Variants in SORL1 observed in about 807,000 individuals in gnomAD.
SORL1 encodes sortilin-related receptor.
SORL1 carries 127 observed loss-of-function variants against 273.7 expected under a neutral mutation model. The ratio of observed to expected loss-of-function variants is 0.46; its 90% confidence interval spans 0.40 to 0.54. SORL1 has a LOEUF of 0.54. SORL1 is among the 20% of genes least tolerant of loss of function. The pLI is 0.00. For synonymous variants in SORL1, 1,031 were observed against 1,067.4 expected (o/e 0.97, Z 0.66); for missense variants, 2,494 against 2,846.1 (o/e 0.88, Z 2.81).
At chr11:121,461,036 G>C (rs1860991746) in intron 1 of SORL1, among the ~76,000 whole-genome samples, 1 of 152,150 alleles carries the variant, frequency 6.6e-6, no homozygotes, top group African/African-American at 2.4e-5. Flanking sequence ...AGAGTGGGGT[G>C]AGTGTCCTGT....
chr11:121,586,703 GGC>G (rs202131558), intron 27 of SORL1, among the ~76,000 whole-genome samples: 3 of 11,292 alleles, frequency 2.7e-4, no homozygotes, highest in East Asian at 3.2e-3. Context: ...TGGGGGGGGG[GGC>G]GGGGGGGGGG....
chr11:121,611,886 A>T (rs1031414931), intron 39 of SORL1: 1 of 152,408 alleles, frequency 6.6e-6, no homozygotes, highest in East Asian at 1.9e-4. Flanking sequence ...CACGCCTGTA[A>T]TCCCAGCACT....
Position 121,618,888 on chromosome 11 carries a change from T to C in SORL1, c.5719T>C (p.Phe1907Leu). Residue 1907 changes from phenylalanine to leucine, a missense_variant, in exon 42 of 48, where the codon TTT becomes CTT. Phe to Leu is a conservative substitution (Grantham distance 22). Around this residue, in one of 3 missense-constraint regions of SORL1, gnomAD observed 1,609 missense variants for 1,816.4 expected, o/e 0.89. Coordinates refer to ENST00000260197, the MANE Select transcript of SORL1 (RefSeq NM_003105.6). ...TGTCAGTAAGGATGAGCAGTATTTG[T>C]TTCTGGTAAGTTTCCCATACCGTTT... The part of the protein sequence containing the change: ...VIVSKDEQYL[F>L]LVRVVVPYQG... 6.2e-7 allele frequency: 1 copy of C among 1,614,150 alleles called. No homozygotes were observed. Among genetic ancestry groups the C allele is most frequent in the Non-Finnish European group, 8.5e-7 (1 of 1,179,988 alleles).
rs150958718 is a variant in SORL1, at chr11:121,587,412, C to G, written c.3815-608C>G. Among the ~76,000 whole-genome samples the G allele has an allele frequency of 1.2e-3, 181 of 152,336 alleles. 1 individual carries two copies. The highest frequency in any genetic ancestry group is 2.3e-3 in the Admixed American group (35 of 15,310). ...TCAAGTACGAAGGTCTTGCTGTGTC[C>G]TCACATGGCCCTTTCTCTGTGTGGG... On this transcript the variant is annotated intron_variant, in intron 27 of 47. Coordinates refer to ENST00000260197, the MANE Select transcript of SORL1 (RefSeq NM_003105.6).
intron 22 of SORL1, among the ~76,000 whole-genome samples, chr11:121,569,282 TGAACAA>T (rs1300024019): frequency 1.3e-5 from 2 of 152,184 alleles, no homozygotes; most frequent in Non-Finnish European, 2.9e-5. Context: ...CATGTGTGTT[TGAACAA>T]TATGAAATCT....
chr11:121,514,502 G>T (rs1861923315), intron 8 of SORL1, among the ~76,000 whole-genome samples, 181 bp downstream of exon 8: 1 of 152,210 alleles, frequency 6.6e-6, no homozygotes, highest in Admixed American at 6.5e-5. Flanking sequence ...GTGTGGCCAG[G>T]TTATGAGGAT....
At position 121,513,004 on chromosome 11, in the gene SORL1, A is replaced by T. The variant is rs780440355; in HGVS notation, c.941A>T (p.His314Leu). 3.1e-6 allele frequency: 5 copies of T among 1,612,602 alleles called. No individual in the cohort carries two copies. The highest frequency in any genetic ancestry group is 4.2e-6 in the Non-Finnish European group (5 of 1,178,770). Residue 314 changes from histidine to leucine, a missense_variant and splice_region_variant, in exon 7 of 48, where the codon CAT becomes CTT. Coordinates refer to ENST00000260197, the MANE Select transcript of SORL1 (RefSeq NM_003105.6). ...DKYMFATKVVHLLGSEQQSSV... is the reference protein window; with the variant it reads ...DKYMFATKVVLLLGSEQQSSV... Reference sequence around the variant, plus strand: ...TTTTTTTCTCCTCTTCCTTGGCAGCATCTCTTGGGCAGTGAACAGCAGTCT... The same window carrying T: ...TTTTTTTCTCCTCTTCCTTGGCAGCTTCTCTTGGGCAGTGAACAGCAGTCT...
In SORL1 at chr11:121,514,227, T is replaced by C. The variant is rs1210616398; in HGVS notation, c.1117T>C (p.Tyr373His). The change falls in exon 8 of 48, where the codon TAC becomes CAC. Residue 373 changes from tyrosine to histidine, a missense_variant. Physicochemically the swap from Tyr to His is moderately conservative, Grantham distance 83. Coordinates refer to ENST00000260197, the MANE Select transcript of SORL1 (RefSeq NM_003105.6). The part of the protein sequence containing the change: ...VSHSNNRTNL[Y>H]ISEAEGLKFS... Reference sequence around the variant, plus strand: ...CCACAGTAACAACCGCACCAATTTATACATCTCAGAGGCAGAGGGGCTGAA... The same window carrying C: ...CCACAGTAACAACCGCACCAATTTACACATCTCAGAGGCAGAGGGGCTGAA... The C allele has an allele frequency of 6.2e-7, 1 of 1,614,088 alleles. No individual in the cohort carries two copies. The highest frequency in any genetic ancestry group is 8.5e-7 in the Non-Finnish European group (1 of 1,180,044).
At position 121,627,788 on chromosome 11, in the gene SORL1, C is replaced by A; in HGVS notation, c.6577+21C>A. 8 of 1,580,168 alleles carry A rather than the reference C, an allele frequency of 5.1e-6. No individual in the cohort carries two copies. Among genetic ancestry groups the A allele is most frequent in the South Asian group, 1.1e-5 (1 of 89,726 alleles). On this transcript the variant is annotated intron_variant, in intron 47 of 47. Coordinates refer to ENST00000260197, the MANE Select transcript of SORL1 (RefSeq NM_003105.6). The surrounding 1 kb of genome is among the most constrained non-coding windows in gnomAD (Gnocchi z 4.9). ...CCTGGGTAAGTGGGGCAGGGAGAGT[C>A]GGTTCTTCCTCCCAGGGCTGACCCC...
Position 121,618,858 on chromosome 11 carries a change from G to A in SORL1, c.5689G>A (p.Val1897Ile), listed in dbSNP as rs1863679232. 6.2e-7 allele frequency: 1 copy of A among 1,613,996 alleles called. No homozygotes were observed. The highest frequency in any genetic ancestry group is 8.5e-7 in the Non-Finnish European group (1 of 1,180,010). The change falls in exon 42 of 48, where the codon GTC (valine) becomes ATC (isoleucine). Residue 1897 changes from valine to isoleucine, a missense_variant. By Grantham distance (29) the Val-to-Ile change is conservative (BLOSUM62 3). This residue lies in a region of SORL1 where 1,609 missense variants were observed against 1,816.4 expected (regional missense o/e 0.89). Coordinates refer to ENST00000260197, the MANE Select transcript of SORL1 (RefSeq NM_003105.6). ...GACTACTTCACTCCACAACAAGACG[G>A]TCATTGTCAGTAAGGATGAGCAGTA... ...SLTTSLHNKT[V>I]IVSKDEQYLF...
intron 12 of SORL1, among the ~76,000 whole-genome samples, chr11:121,536,434 T>G (rs922332526): frequency 2.7e-5 from 4 of 150,748 alleles, no homozygotes; most frequent in East Asian, 1.9e-4. Flanking sequence ...TGTGTTTTTT[T>G]TTTTTTTTTT....
At position 121,523,001 on chromosome 11, in the gene SORL1, C is replaced by G. The variant is rs749675000; in HGVS notation, c.1596+12C>G. ...CCAGGTGGCGAGAGGTCAGCCCCCT[C>G]CCCCAATCCCGTCCCCTCCACCCTC... is the stretch of plus-strand genomic sequence containing the variant. On this transcript the variant is annotated intron_variant, in intron 11 of 47. Coordinates refer to ENST00000260197, the MANE Select transcript of SORL1 (RefSeq NM_003105.6). 1.3e-6 allele frequency: 2 copies of G among 1,573,052 alleles called. No homozygotes were observed. The highest frequency in any genetic ancestry group is 8.7e-7 in the Non-Finnish European group (1 of 1,142,926).
At chr11:121,466,749 C>A (rs1216899146) in intron 1 of SORL1, among the ~76,000 whole-genome samples, 1 of 152,174 alleles carries the variant, frequency 6.6e-6, no homozygotes, top group Non-Finnish European at 1.5e-5. Flanking sequence ...TGGGGATCAG[C>A]TGTGACTCAC....
At chr11:121,495,300 G>A (rs1183974500) in intron 5 of SORL1, among the ~76,000 whole-genome samples, 5 of 152,084 alleles carry the variant, frequency 3.3e-5, no homozygotes, top group Non-Finnish European at 5.9e-5. Flanking sequence ...TGCCCAGGCT[G>A]GTCTTGAACT....
chr11:121,478,058 A>G, intron 2 of SORL1, 60 bp from the exon 3 acceptor site: 1 of 1,282,944 alleles, frequency 7.8e-7, no homozygotes, highest in Non-Finnish European at 1.1e-6. Flanking sequence ...AAAAAGAAAG[A>G]TCTTTCTGCC....
At chr11:121,540,988 A>G (rs1354811642) in intron 12 of SORL1, among the ~76,000 whole-genome samples, 2 of 152,250 alleles carry the variant, frequency 1.3e-5, no homozygotes, top group Non-Finnish European at 2.9e-5. Flanking sequence ...ATAAACCTTT[A>G]GCTTCACACT....
intron 1 of SORL1, among the ~76,000 whole-genome samples, chr11:121,460,205 T>G (rs1860974578): frequency 6.6e-6 from 1 of 152,138 alleles, no homozygotes; most frequent in Non-Finnish European, 1.5e-5. Flanking sequence ...CCTCTATTAT[T>G]TAGAAGAGAG....
chr11:121,587,243 G>A (rs1167620379), intron 27 of SORL1, among the ~76,000 whole-genome samples: 2 of 152,116 alleles, frequency 1.3e-5, no homozygotes, highest in African/African-American at 4.8e-5. Flanking sequence ...TTACTTTAAG[G>A]AACCATCATG....
At chr11:121,469,658 TA>T (rs1433375355) in intron 1 of SORL1, among the ~76,000 whole-genome samples, 1 of 152,218 alleles carries the variant, frequency 6.6e-6, no homozygotes, top group African/African-American at 2.4e-5. Flanking sequence ...TGCTTTGGTT[TA>T]AAATCTTACC....
Sources: gnomAD v4.1 joint callset for allele counts (sites outside exome capture counted in the v4.1 genomes callset) on GRCh38, gnomAD v4.1.1 for gene constraint, gnomAD v4.1.1 regional missense constraint, Gnocchi (gnomAD v3.1) non-coding constraint, MANE v1.5 for transcripts, NCBI Gene and HGNC (gene_info 2026-07-23, HGNC 2026-07-21) for gene names.